The following THSD4 variants were observed in gnomAD, a reference collection of about 807,000 sequenced individuals.
The protein encoded by THSD4 is thrombospondin type 1 domain containing 4.
In THSD4, 69 loss-of-function variants were observed where a neutral mutation model predicts 119.0. The observed-to-expected ratio is 0.58, with a 90% CI of 0.48 to 0.71. The LOEUF is 0.71. THSD4 is among the 30% of genes least tolerant of loss of function. The probability of loss-of-function intolerance (pLI) is 0.00; values close to 1 mark genes in which losing one functional copy is unlikely to be tolerated. For synonymous variants in THSD4, 524 were observed against 540.4 expected (o/e 0.97, Z 0.42); for missense variants, 1,393 against 1,391.1 (o/e 1.00, Z -0.02).
intron 4 of THSD4, among the ~76,000 whole-genome samples, chr15:71,219,892 C>T (rs2043961445): frequency 6.6e-6 from 1 of 152,170 alleles, no homozygotes; most frequent in Non-Finnish European, 1.5e-5. Flanking sequence ...AATGGGTATT[C>T]TGAAAATGAA....
intron 3 of THSD4, chr15:71,165,116 G>A: frequency 6.2e-7 from 1 of 1,611,182 alleles, no homozygotes; most frequent in East Asian, 2.2e-5. Flanking sequence ...GAGGAAGAAG[G>A]CCGAAGGAGG....
intron 6 of THSD4, among the ~76,000 whole-genome samples, chr15:71,277,047 T>C (rs2044598459): frequency 6.6e-6 from 1 of 152,092 alleles, no homozygotes; most frequent in East Asian, 1.9e-4. Flanking sequence ...TTGTATTTCC[T>C]GTCTGCATCT....
In THSD4 at chr15:71,487,814, A is replaced by C. The variant is rs145515822; in HGVS notation, c.1152+75991A>C. Among the ~76,000 whole-genome samples the C allele has an allele frequency of 7.2e-5, 11 of 152,192 alleles. No individual in the cohort carries two copies. The East Asian group carries it at 2.1e-3, about 29-fold the overall frequency. ...AATCTTTTCTTCCAATATATCTTGA[A>C]TCTGGTTATTGTTTATAAATATGAA... On this transcript the variant is annotated intron_variant, in intron 7 of 17. Transcript: ENST00000261862.
At chr15:71,186,775 G>A (rs538644564) in intron 3 of THSD4, 1 of 152,324 alleles carries the variant, frequency 6.6e-6, no homozygotes, top group African/African-American at 2.4e-5. Context: ...ATTATTGCAA[G>A]GCATTTCAGG....
At chr15:71,563,942 G>A (rs766261000) in intron 7 of THSD4, among the ~76,000 whole-genome samples, 1 of 152,014 alleles carries the variant, frequency 6.6e-6, no homozygotes, top group Non-Finnish European at 1.5e-5. Context: ...TGTGGGGGTG[G>A]GCTTTTCCAT....
chr15:71,666,391 T>G (rs2141006000), intron 8 of THSD4, among the ~76,000 whole-genome samples: 1 of 152,224 alleles, frequency 6.6e-6, no homozygotes, highest in Middle Eastern at 3.4e-3. Context: ...ATTATGGGGG[T>G]TTGTTGTACA....
At chr15:71,759,150 A>G (rs2053591121) in intron 15 of THSD4, among the ~76,000 whole-genome samples, 1 of 152,206 alleles carries the variant, frequency 6.6e-6, no homozygotes, top group African/African-American at 2.4e-5. Flanking sequence ...GAATGTGAAA[A>G]TATTCAAACC....
At chr15:71,768,691 A>G (rs949938509) in intron 16 of THSD4, among the ~76,000 whole-genome samples, 1 of 147,994 alleles carries the variant, frequency 6.8e-6, no homozygotes, top group African/African-American at 2.5e-5. Context: ...CAGCCTCCCA[A>G]GTAGCTGGGA....
chr15:71,248,255 T>TG (rs2044224138), intron 5 of THSD4, among the ~76,000 whole-genome samples: 2 of 152,132 alleles, frequency 1.3e-5, no homozygotes, highest in Admixed American at 6.5e-5. Flanking sequence ...CACTCCAGCT[T>TG]GGGGGGCAGA....
intron 6 of THSD4, among the ~76,000 whole-genome samples, chr15:71,358,881 A>G (rs2045857116): frequency 6.6e-6 from 1 of 152,152 alleles, no homozygotes; most frequent in South Asian, 2.1e-4. Flanking sequence ...GAATGTGAAG[A>G]CACTCAGCTT....
intron 6 of THSD4, among the ~76,000 whole-genome samples, chr15:71,293,490 T>C (rs548203813): frequency 4.9e-4 from 75 of 152,224 alleles, no homozygotes; most frequent in Non-Finnish European, 8.2e-4. Flanking sequence ...GGTTACGTAG[T>C]AGCCTGGCTG....
chr15:71,165,093 A>G, intron 3 of THSD4: 2 of 1,611,288 alleles, frequency 1.2e-6, no homozygotes, highest in Non-Finnish European at 8.5e-7. Context: ...TTTGGGCGAT[A>G]CTCAGAGCAG....
At chr15:71,434,179 G>T (rs949228508) in intron 7 of THSD4, among the ~76,000 whole-genome samples, 2 of 152,028 alleles carry the variant, frequency 1.3e-5, no homozygotes, top group African/African-American at 2.4e-5. Flanking sequence ...AAAAGCATTT[G>T]GGCTTATTTA....
At chr15:71,681,996 G>A (rs2051792228) in intron 8 of THSD4, among the ~76,000 whole-genome samples, 1 of 152,208 alleles carries the variant, frequency 6.6e-6, no homozygotes, top group African/African-American at 2.4e-5. Flanking sequence ...CTGTCAGCAT[G>A]TGAGGGTCAT....
At chr15:71,728,107 T>A (rs973926010) in intron 8 of THSD4, among the ~76,000 whole-genome samples, 1 of 152,126 alleles carries the variant, frequency 6.6e-6, no homozygotes, top group Non-Finnish European at 1.5e-5. Flanking sequence ...TGGGCTCAGT[T>A]ATTTTTTTTA....
rs1482188159 is a variant in THSD4, at chr15:71,115,699, G to T, written c.-80+1G>T. 6.8e-6 allele frequency: 1 copy of T among 147,182 alleles called. No homozygotes were observed. The highest frequency in any genetic ancestry group is 1.5e-5 in the Non-Finnish European group (1 of 66,160). 9.1% of individuals were successfully genotyped at this position (147,182 alleles called of 1,614,324 possible). A position where few individuals can be genotyped will look rare whatever the true frequency, so the allele number is the denominator to read the frequency against. On this transcript the variant is annotated splice_donor_variant, in intron 1 of 17. Transcript: ENST00000261862. LOFTEE classifies it low-confidence loss of function (5UTR_SPLICE). This position sits in a 1 kb window ranked among gnomAD's most constrained non-coding sequence, Gnocchi z 4.4. ...GTCGCTCCGGGACGCGGACCGCCAG[G>T]TGAGCAGAGCCGCGCGCCCCGCGTC...
intron 7 of THSD4, among the ~76,000 whole-genome samples, chr15:71,497,042 A>G (rs746755276): frequency 6.6e-6 from 1 of 152,228 alleles, no homozygotes; most frequent in Admixed American, 6.5e-5. Context: ...GAACACCAGC[A>G]CTGCCATTGC....
At position 71,780,019 on chromosome 15, in the gene THSD4, G is replaced by A. The variant is rs2053974357; in HGVS notation, c.*2645G>A. 1 of 152,120 alleles carries A rather than the reference G, an allele frequency of 6.6e-6. No homozygotes were observed. The highest frequency in any genetic ancestry group is 6.5e-5 in the Admixed American group (1 of 15,284). 9.4% of individuals were successfully genotyped at this position (152,120 alleles called of 1,614,324 possible). On this transcript the variant is annotated 3_prime_UTR_variant, in exon 18 of 18. Coordinates refer to ENST00000261862, the MANE Select transcript of THSD4 (RefSeq NM_024817.3). ...CAGCATCTGAATGTCTTTCTCCCTA[G>A]CACAGTGCATACAATCAGGGCCTTG... is the stretch of plus-strand genomic sequence containing the variant.
chr15:71,577,705 A>ATTAT (rs2049476490), intron 7 of THSD4, among the ~76,000 whole-genome samples: 2 of 10,178 alleles, frequency 2.0e-4, no homozygotes, highest in South Asian at 8.8e-3. Flanking sequence ...TGCAACCTTT[A>ATTAT]TTTATTTATT....
Sources: gnomAD v4.1 joint callset for allele counts (sites outside exome capture counted in the v4.1 genomes callset) on GRCh38, gnomAD v4.1.1 for gene constraint, Gnocchi (gnomAD v3.1) non-coding constraint, MANE v1.5 for transcripts, NCBI Gene and HGNC (gene_info 2026-07-23, HGNC 2026-07-21) for gene names.